SEC14L1: variants seen among roughly 807,000 people sequenced by gnomAD.
SEC14L1 encodes SEC14 like lipid binding 1, also known as SEC14-like protein 1.
A neutral mutation model predicts 85.3 loss-of-function variants in SEC14L1; 48 were observed. The observed-to-expected ratio is 0.56, with a 90% CI of 0.45 to 0.72. SEC14L1 has a LOEUF of 0.72. SEC14L1 is among the 30% of genes least tolerant of loss of function. The probability of loss-of-function intolerance (pLI) is 0.00; values close to 1 mark genes in which losing one functional copy is unlikely to be tolerated. For synonymous variants in SEC14L1, 391 were observed against 355.5 expected (o/e 1.10, Z -1.12); for missense variants, 682 against 921.4 (o/e 0.74, Z 3.36).
intron 3 of SEC14L1, among the ~76,000 whole-genome samples, chr17:77,173,567 C>T (rs773960903): frequency 4.6e-5 from 7 of 152,132 alleles, no homozygotes; most frequent in Non-Finnish European, 7.3e-5. Flanking sequence ...CAGGGCATAG[C>T]GTATCTCCTC....
intron 7 of SEC14L1, 102 bp from the exon 8 acceptor site, chr17:77,196,100 C>G (rs1022376874): frequency 1.2e-6 from 1 of 847,616 alleles, no homozygotes; most frequent in South Asian, 1.5e-5. Context: ...TCATGTGCCT[C>G]TAGGACTCTA....
intron 1 of SEC14L1, among the ~76,000 whole-genome samples, chr17:77,142,246 A>G (rs1385815753): frequency 1.3e-5 from 2 of 152,076 alleles, no homozygotes; most frequent in African/African-American, 4.8e-5. Flanking sequence ...CATACCAGAG[A>G]AAGTTCCAAA....
chr17:77,118,400 T>C (rs1299513582), intron 3 of SEC14L1, among the ~76,000 whole-genome samples: 2 of 152,222 alleles, frequency 1.3e-5, no homozygotes, highest in African/African-American at 2.4e-5. Context: ...ATATGGAGAC[T>C]GTCCTGGGCC....
intron 2 of SEC14L1, among the ~76,000 whole-genome samples, chr17:77,090,505 T>TAAAAA (rs34751442): frequency 8.0e-6 from 1 of 125,312 alleles, no homozygotes; most frequent in Non-Finnish European, 1.7e-5. Flanking sequence ...TTTTAATTAT[T>TAAAAA]AAAAAAAAAA....
chr17:77,088,883 C>CAG (rs1971436509), exon 1 of SEC14L1: 1 of 156,454 alleles, frequency 6.4e-6, no homozygotes, highest in Non-Finnish European at 1.4e-5. Context: ...ACCGGGTGAC[C>CAG]AGAGACCCAG....
At chr17:77,106,159 C>T (rs764611923) in intron 3 of SEC14L1, among the ~76,000 whole-genome samples, 37 of 151,944 alleles carry the variant, frequency 2.4e-4, no homozygotes, top group Non-Finnish European at 5.1e-4. Context: ...TTGGGGAAGC[C>T]GAGGTTGGCG....
intron 3 of SEC14L1, among the ~76,000 whole-genome samples, chr17:77,115,487 G>A (rs1220948707): frequency 1.3e-5 from 2 of 152,152 alleles, no homozygotes; most frequent in African/African-American, 4.8e-5. Context: ...TGGTGGCAAA[G>A]TTTGGTCAAG....
intron 3 of SEC14L1, among the ~76,000 whole-genome samples, chr17:77,108,117 G>A (rs970499521): frequency 4.6e-5 from 7 of 151,462 alleles, no homozygotes; most frequent in Middle Eastern, 3.4e-3. Context: ...ACACACACAC[G>A]GACTTAGATT....
At chr17:77,161,826 C>T (rs1181755361) in intron 3 of SEC14L1, among the ~76,000 whole-genome samples, 1 of 147,010 alleles carries the variant, frequency 6.8e-6, no homozygotes, top group East Asian at 2.0e-4. Context: ...GGCTCAAGTA[C>T]TATATTTTAA....
intron 3 of SEC14L1, among the ~76,000 whole-genome samples, chr17:77,173,968 TCCGCTCA>T (rs1332913259): frequency 1.3e-5 from 2 of 152,162 alleles, no homozygotes; most frequent in Admixed American, 1.3e-4. Flanking sequence ...TGGCACGATC[TCCGCTCA>T]CTGCAGCCTC....
chr17:77,091,460 T>C (rs914841732), intron 2 of SEC14L1, among the ~76,000 whole-genome samples: 3 of 152,190 alleles, frequency 2.0e-5, no homozygotes, highest in East Asian at 1.9e-4. Flanking sequence ...GTGCAGAACA[T>C]AGATGATGTG....
chr17:77,141,488 C>T (rs1973040655), intron 1 of SEC14L1: 1 of 152,082 alleles, frequency 6.6e-6, no homozygotes, highest in South Asian at 2.1e-4. Context: ...GGGACCCCTG[C>T]TGAGCAGCCC....
intron 3 of SEC14L1, among the ~76,000 whole-genome samples, chr17:77,112,047 G>A (rs866118142): frequency 1.3e-5 from 2 of 152,138 alleles, no homozygotes; most frequent in South Asian, 2.1e-4. Flanking sequence ...CTGAATCATG[G>A]GAGCAGTTAC....
At chr17:77,159,362 C>T (rs571295543) in intron 3 of SEC14L1, among the ~76,000 whole-genome samples, 4 of 151,152 alleles carry the variant, frequency 2.6e-5, no homozygotes, top group Non-Finnish European at 3.0e-5. Flanking sequence ...CCACCACACC[C>T]GGCCTCTTTT....
chr17:77,148,329 G>A (rs893390523), intron 3 of SEC14L1, among the ~76,000 whole-genome samples: 6 of 152,090 alleles, frequency 3.9e-5, no homozygotes, highest in African/African-American at 1.4e-4. Context: ...GCGAGATAGT[G>A]GCTTGGACTC....
intron 3 of SEC14L1, among the ~76,000 whole-genome samples, chr17:77,100,774 A>G (rs577183577): frequency 6.6e-6 from 1 of 151,730 alleles, no homozygotes; most frequent in African/African-American, 2.4e-5. Context: ...TTCTTCCCAC[A>G]CTTCCTGGTG....
chr17:77,130,150 G>A (rs1385948863), intron 3 of SEC14L1: 1 of 152,134 alleles, frequency 6.6e-6, no homozygotes, highest in African/African-American at 2.4e-5. Flanking sequence ...ACCTAAGCCA[G>A]GCCGCTTCCC....
At chr17:77,128,389 CATTTTATTTTATTTTATTTT>C (rs144559197) in intron 3 of SEC14L1, among the ~76,000 whole-genome samples, 11,495 of 129,806 alleles carry the variant, frequency 0.089, 842 homozygotes, top group African/African-American at 0.18. Flanking sequence ...CACACTTGAG[CATTTTATTTTATTTTATTTT>C]ATTTTATTTT....
intron 3 of SEC14L1, among the ~76,000 whole-genome samples, chr17:77,100,851 T>G (rs1211802684): frequency 6.6e-6 from 1 of 152,150 alleles, no homozygotes; most frequent in African/African-American, 2.4e-5. Context: ...TTTTCTTAGA[T>G]GAGTGAGAGA....
Sources: gnomAD v4.1 joint callset for allele counts (sites outside exome capture counted in the v4.1 genomes callset) on GRCh38, gnomAD v4.1.1 for gene constraint, MANE v1.5 for transcripts, NCBI Gene and HGNC (gene_info 2026-07-23, HGNC 2026-07-21) for gene names.